HYDIN: variants seen among roughly 807,000 people sequenced by gnomAD.
HYDIN encodes the protein HYDIN axonemal central pair apparatus protein, also known as axonemal central pair apparatus protein HYDIN.
In HYDIN, 132 loss-of-function variants were observed where a neutral mutation model predicts 403.9. The observed-to-expected ratio is 0.33, with a 90% CI of 0.28 to 0.38. HYDIN has a LOEUF of 0.38. Among genes scored for constraint, HYDIN ranks in the 10% least tolerant of loss-of-function variants. HYDIN has a pLI of 1.00. For synonymous variants in HYDIN, 1,202 were observed against 1,891.7 expected, an observed-to-expected ratio of 0.64 and a Z score of 9.46; for missense variants, 2,827 against 5,009.5, an observed-to-expected ratio of 0.56 and a Z score of 13.15.
intron 14 of HYDIN, among the ~76,000 whole-genome samples, 165 bp downstream of exon 14, chr16:71,069,099 GTAT>G (rs2082369740): frequency 6.6e-6 from 1 of 151,380 alleles, no homozygotes; most frequent in Non-Finnish European, 1.5e-5. Context: ...TTTGCCCAAT[GTAT>G]TTGTGTCTGA....
At chr16:70,839,280 TAG>T (rs2037650546) in intron 76 of HYDIN, among the ~76,000 whole-genome samples, 1 of 132,842 alleles carries the variant, frequency 7.5e-6, no homozygotes, top group East Asian at 2.0e-4. Flanking sequence ...GACAGAGGCA[TAG>T]AGAGTTTTAA....
Position 70,908,325 on chromosome 16 carries a change from G to A in HYDIN, c.8323C>T (p.Leu2775=), listed in dbSNP as rs1434333623. Residue 2775 remains leucine (L), a synonymous_variant, in exon 49 of 86, where the codon CTA becomes TTA. Coordinates refer to ENST00000393567, the MANE Select transcript of HYDIN (RefSeq NM_001270974.2). ...AGCTGGTACTGGCAGCAAGTTCCTA[G>A]GATCTCAAAGTTAAAGGTTTGGTCA... ...NFDQTFNFEI[L]GTCCQYQLYC... is the part of the protein sequence containing the mutation. 2.9e-6 allele frequency: 4 copies of A among 1,386,794 alleles called. No homozygotes were observed. The South Asian group carries it at 4.9e-5, about 17-fold the overall frequency. The allele number at this position is 1,386,794 out of a possible 1,614,324, so 85.9% of individuals were successfully genotyped here.
chr16:71,042,038 T>G, intron 18 of HYDIN, among the ~76,000 whole-genome samples: 1 of 150,940 alleles, frequency 6.6e-6, no homozygotes, highest in Non-Finnish European at 1.5e-5. Flanking sequence ...TCCCCAGAGG[T>G]AGCCATTGTT....
chr16:70,970,943 G>A (rs1267928836), intron 35 of HYDIN, among the ~76,000 whole-genome samples, 184 bp from the exon 36 acceptor site: 3 of 152,206 alleles, frequency 2.0e-5, no homozygotes, highest in African/African-American at 7.2e-5. Flanking sequence ...AGCATGCCAA[G>A]CATTGTACCA....
In HYDIN at chr16:70,807,709, G is replaced by T. The variant is rs2035176744; in HGVS notation, c.15237C>A (p.Val5079=). Residue 5079 remains valine, a synonymous_variant, in exon 86 of 86, where the codon GTC becomes GTA. Coordinates refer to ENST00000393567, the MANE Select transcript of HYDIN (RefSeq NM_001270974.2). ...VRPKKINNIT[V]SFEGNPSGSK... is the part of the protein sequence containing the mutation. ...TGCCAGATGGGTTTCCTTCAAAGGA[G>T]ACTGTGATGTTGTTGATCTTCTTGG... 6.2e-7 allele frequency: 1 copy of T among 1,614,084 alleles called. No homozygotes were observed. The highest frequency in any genetic ancestry group is 1.1e-5 in the South Asian group (1 of 91,090).
chr16:70,936,680 T>C (rs1428013234), intron 44 of HYDIN, among the ~76,000 whole-genome samples: 1 of 151,452 alleles, frequency 6.6e-6, no homozygotes, highest in Non-Finnish European at 1.5e-5. Context: ...ATTACAGGTG[T>C]GCACCAACAT....
chr16:70,964,621 C>T (rs937062806), intron 37 of HYDIN, 107 bp downstream of exon 37: 3 of 627,118 alleles, frequency 4.8e-6, no homozygotes, highest in Non-Finnish European at 8.5e-6. Context: ...GCAGCACCTG[C>T]CTGGCACCTG....
chr16:71,200,789 T>C (rs1200808531), intron 1 of HYDIN, among the ~76,000 whole-genome samples: 1 of 152,146 alleles, frequency 6.6e-6, no homozygotes, highest in Admixed American at 6.5e-5. Flanking sequence ...AGAGTCTTGA[T>C]CCATGCATGG....
intron 23 of HYDIN, among the ~76,000 whole-genome samples, chr16:70,999,281 GA>G (rs2053623059): frequency 6.6e-6 from 1 of 151,796 alleles, no homozygotes; most frequent in African/African-American, 2.4e-5. Flanking sequence ...TTCCCAAGGT[GA>G]TTCTAATGTG....
intron 7 of HYDIN, among the ~76,000 whole-genome samples, chr16:71,141,824 G>C (rs1331359553): frequency 6.6e-6 from 1 of 152,146 alleles, no homozygotes; most frequent in Non-Finnish European, 1.5e-5. Context: ...TTATCCTAAA[G>C]GAAAATCTCA....
At chr16:70,943,755 T>G in intron 42 of HYDIN, 57 bp downstream of exon 42, 1 of 1,582,130 alleles carries the variant, frequency 6.3e-7, no homozygotes, top group Non-Finnish European at 8.6e-7. Flanking sequence ...GTCCAGGGTG[T>G]GGGGATGGTG....
chr16:71,062,394 C>T lies in HYDIN; in HGVS notation c.2212-61G>A, dbSNP rs571145847. The T allele has an allele frequency of 3.0e-5, 42 of 1,396,100 alleles. No homozygotes were observed. In the East Asian group the frequency reaches 9.1e-4, roughly 30 times the overall value. 86.5% of individuals were successfully genotyped at this position (1,396,100 alleles called of 1,614,324 possible). Reference sequence around the variant, plus strand: ...CAGCATGGAACAAATAGCGTATTTGCTTATTTTGAAGTGTTTTCCTGAGTC... The same window carrying T: ...CAGCATGGAACAAATAGCGTATTTGTTTATTTTGAAGTGTTTTCCTGAGTC... On this transcript the variant is annotated intron_variant, in intron 16 of 85. Transcript: ENST00000393567.
intron 83 of HYDIN, among the ~76,000 whole-genome samples, chr16:70,819,279 CACTT>C (rs1316867342): frequency 3.9e-5 from 6 of 151,978 alleles, no homozygotes; most frequent in East Asian, 1.9e-4. Flanking sequence ...TAGCATCTGA[CACTT>C]AATTAATGAT....
At chr16:71,211,416 G>A (rs372399219) in intron 1 of HYDIN, among the ~76,000 whole-genome samples, 3 of 151,744 alleles carry the variant, frequency 2.0e-5, no homozygotes, top group East Asian at 3.9e-4. Context: ...CAAGGCGGGC[G>A]GATCACGAGG....
intron 7 of HYDIN, among the ~76,000 whole-genome samples, chr16:71,137,932 TAC>T (rs371606318): frequency 5.6e-3 from 835 of 147,910 alleles, no homozygotes; most frequent in Non-Finnish European, 8.1e-3. Flanking sequence ...CACACACACA[TAC>T]ACACACACAC....
chr16:71,184,876 T>C lies in HYDIN; in HGVS notation c.250A>G (p.Thr84Ala). ...CAGAGAGCAGCTACCTTCTGATGTG[T>C]TGTTTCCCCCATATCTAAGAGTTCG... Reference protein sequence around the residue: ...IIELLDMGETTHQKFSGIDLD... With the variant: ...IIELLDMGETAHQKFSGIDLD... The change falls in exon 3 of 86, where the codon ACA becomes GCA. Residue 84 changes from threonine to alanine, a missense_variant. Thr to Ala is a moderately conservative substitution (Grantham distance 58, BLOSUM62 0). Transcript: ENST00000393567. The C allele has an allele frequency of 6.2e-7, 1 of 1,605,748 alleles. No homozygotes were observed. Among genetic ancestry groups the C allele is most frequent in the Non-Finnish European group, 8.5e-7 (1 of 1,174,478 alleles).
intron 45 of HYDIN, among the ~76,000 whole-genome samples, chr16:70,926,189 T>C (rs536715198): frequency 6.8e-6 from 1 of 148,072 alleles, no homozygotes; most frequent in African/African-American, 2.5e-5. Flanking sequence ...CTATTCACAA[T>C]AGCAAAGACT....
chr16:70,878,533 T>G (rs2040584758), intron 62 of HYDIN, among the ~76,000 whole-genome samples: 1 of 144,984 alleles, frequency 6.9e-6, no homozygotes, highest in Admixed American at 6.8e-5. Flanking sequence ...ATCCCAAGCC[T>G]TCCACAAGTT....
chr16:70,995,206 TAG>T (rs1158626593), intron 23 of HYDIN, among the ~76,000 whole-genome samples: 10 of 152,180 alleles, frequency 6.6e-5, no homozygotes, highest in African/African-American at 2.4e-4. Flanking sequence ...AGAACGCTGG[TAG>T]AGTTTTTTTG....
Sources: allele counts gnomAD v4.1 joint callset (sites outside exome capture counted in the v4.1 genomes callset), GRCh38; gene constraint gnomAD v4.1.1; transcripts MANE v1.5; gene names NCBI Gene and HGNC (gene_info 2026-07-23, HGNC 2026-07-21).